Variants in PKNOX2 observed in about 807,000 individuals in gnomAD.
The protein encoded by PKNOX2 is homeobox protein PKNOX2.
Under a neutral mutation model 53.1 loss-of-function variants are expected in PKNOX2, and 14 were observed. The ratio of observed to expected loss-of-function variants is 0.26; its 90% CI spans 0.17 to 0.41. PKNOX2 has a LOEUF of 0.41. Ranked by LOEUF, PKNOX2 falls within the 10% of genes least tolerant of loss-of-function variation. PKNOX2 has a pLI of 1.00. For synonymous variants in PKNOX2, 257 were observed against 242.8 expected (o/e 1.06, Z -0.54); for missense variants, 496 against 602.8 (o/e 0.82, Z 1.85).
chr11:125,396,523 T>C (rs1954409998), intron 6 of PKNOX2, among the ~76,000 whole-genome samples: 1 of 151,312 alleles, frequency 6.6e-6, no homozygotes, highest in Non-Finnish European at 1.5e-5. Flanking sequence ...AGAACGTTCA[T>C]AGCTTTTTTT....
rs371053622 is a variant in PKNOX2, at chr11:125,410,284, G to T, written c.677G>T (p.Gly226Val). 1.9e-6 allele frequency: 3 copies of T among 1,613,958 alleles called. No homozygotes were observed. In the African/African-American group the frequency reaches 4.0e-5, roughly 22 times the overall value. The change falls in exon 8 of 13, where the codon GGC (glycine) becomes GTC (valine). Residue 226 changes from glycine (G) to valine (V), a missense_variant. This residue lies in a region of PKNOX2 where 141 missense variants were observed against 143.9 expected (regional missense o/e 0.98). Transcript: ENST00000298282. ...IVVPASALQQ[G>V]NIAMTTVNSQ... Reference sequence around the variant, plus strand: ...GTCCCAGCCTCAGCGCTCCAGCAGGGCAACATCGCCATGACAACCGTCAAC... The same window carrying T: ...GTCCCAGCCTCAGCGCTCCAGCAGGTCAACATCGCCATGACAACCGTCAAC...
intron 4 of PKNOX2, among the ~76,000 whole-genome samples, chr11:125,366,065 T>C (rs1952173994): frequency 6.6e-6 from 1 of 152,256 alleles, no homozygotes; most frequent in African/African-American, 2.4e-5. Flanking sequence ...TTGTCTATTT[T>C]GAAAATTGGA....
intron 2 of PKNOX2, among the ~76,000 whole-genome samples, chr11:125,298,003 T>C (rs4550233): frequency 0.24 from 36,727 of 152,038 alleles, 5,837 homozygotes; most frequent in African/African-American, 0.45. Flanking sequence ...GAACAATGAA[T>C]ATACAACTGA....
At chr11:125,294,349 G>C (rs1221517730) in intron 2 of PKNOX2, among the ~76,000 whole-genome samples, 1 of 152,210 alleles carries the variant, frequency 6.6e-6, no homozygotes, top group Non-Finnish European at 1.5e-5. Context: ...ACCAGAGCTA[G>C]AGAAGACATT....
chr11:125,210,235 T>C (rs1939665778), intron 1 of PKNOX2, among the ~76,000 whole-genome samples: 2 of 152,122 alleles, frequency 1.3e-5, no homozygotes, highest in African/African-American at 2.4e-5. Flanking sequence ...TAGGAACTTA[T>C]TGGCAGTCCT....
chr11:125,207,119 G>A (rs1939215962), intron 1 of PKNOX2, among the ~76,000 whole-genome samples: 1 of 151,854 alleles, frequency 6.6e-6, no homozygotes, highest in South Asian at 2.1e-4. Context: ...CTCATTCTAG[G>A]GGGGTGGTGG....
intron 2 of PKNOX2, among the ~76,000 whole-genome samples, chr11:125,263,638 G>A (rs1018824920): frequency 2.0e-5 from 3 of 152,228 alleles, no homozygotes; most frequent in Non-Finnish European, 4.4e-5. Flanking sequence ...GGGAGGGGGA[G>A]AGCTGCCGAG....
chr11:125,304,164 G>A (rs1948263126), intron 2 of PKNOX2, among the ~76,000 whole-genome samples: 1 of 152,172 alleles, frequency 6.6e-6, no homozygotes. Context: ...GGGGCTGCTT[G>A]GAAATGGATC....
At chr11:125,167,597 C>G (rs997152118) in intron 1 of PKNOX2, among the ~76,000 whole-genome samples, 1 of 152,216 alleles carries the variant, frequency 6.6e-6, no homozygotes, top group African/African-American at 2.4e-5. Context: ...GCCCGACCAC[C>G]GCTCACAGTA....
chr11:125,386,713 AACACACACACACAC>A (rs3138544), intron 6 of PKNOX2, among the ~76,000 whole-genome samples: 24 of 141,134 alleles, frequency 1.7e-4, no homozygotes, highest in South Asian at 7.1e-4. Flanking sequence ...GAAGAAAAAG[AACACACACACACAC>A]ACACACACAC....
intron 2 of PKNOX2, among the ~76,000 whole-genome samples, chr11:125,236,032 T>TACTA (rs1942652540): frequency 1.3e-5 from 2 of 152,234 alleles, no homozygotes; most frequent in African/African-American, 4.8e-5. Context: ...TGATAGTACG[T>TACTA]TGGCTTCCAA....
At chr11:125,282,097 A>G (rs1946597452) in intron 2 of PKNOX2, among the ~76,000 whole-genome samples, 1 of 152,184 alleles carries the variant, frequency 6.6e-6, no homozygotes, top group Admixed American at 6.5e-5. Flanking sequence ...CTGGGGTGCC[A>G]CTGCTCAGCT....
chr11:125,222,586 GGTGTGT>G (rs767224814), intron 1 of PKNOX2, among the ~76,000 whole-genome samples: 2 of 142,474 alleles, frequency 1.4e-5, no homozygotes, highest in South Asian at 2.2e-4. Flanking sequence ...AGGTGCTCCT[GGTGTGT>G]GTGTGTGTGT....
chr11:125,196,570 G>A (rs1303343259), intron 1 of PKNOX2, among the ~76,000 whole-genome samples: 1 of 152,136 alleles, frequency 6.6e-6, no homozygotes, highest in African/African-American at 2.4e-5. Flanking sequence ...GAGAGTGCTG[G>A]TATTCAGAGG....
chr11:125,248,462 G>A (rs967294366), intron 2 of PKNOX2, among the ~76,000 whole-genome samples: 5 of 152,016 alleles, frequency 3.3e-5, no homozygotes, highest in African/African-American at 7.3e-5. Context: ...AAAATCTTGC[G>A]ACTTTACTTA....
chr11:125,351,383 C>T lies in PKNOX2; in HGVS notation c.78C>T (p.Asp26=), dbSNP rs757571201. ...TQNVPPPPYQ[D]SPQMTATAQP... Reference sequence around the variant, plus strand: ...ATGTCCCGCCCCCACCCTACCAGGACAGCCCACAGGTGAGTGCGCAGGGGC... The same window carrying T: ...ATGTCCCGCCCCCACCCTACCAGGATAGCCCACAGGTGAGTGCGCAGGGGC... The change falls in exon 4 of 13, where the codon GAC becomes GAT. Residue 26 remains aspartate (D), a synonymous_variant. Transcript: ENST00000298282. 2 of 1,601,530 alleles carry T rather than the reference C, an allele frequency of 1.2e-6. No individual in the cohort carries two copies. The highest frequency in any genetic ancestry group is 2.2e-5 in the South Asian group (2 of 90,102).
intron 2 of PKNOX2, among the ~76,000 whole-genome samples, chr11:125,309,348 C>T (rs1948665827): frequency 6.6e-6 from 1 of 151,664 alleles, no homozygotes; most frequent in Non-Finnish European, 1.5e-5. Flanking sequence ...ATTCCATCTC[C>T]CTCACCCATA....
intron 1 of PKNOX2, among the ~76,000 whole-genome samples, chr11:125,175,235 G>GGAAGGAAGGAAGGAAGGAAA (rs1955625192): frequency 2.0e-5 from 3 of 149,712 alleles, no homozygotes; most frequent in African/African-American, 7.5e-5. Flanking sequence ...AAGGAAGGAA[G>GGAAGGAAGGAAGGAAGGAAA]GAAGGAAGGA....
At chr11:125,366,454 A>G (rs1952195860) in intron 4 of PKNOX2, among the ~76,000 whole-genome samples, 1 of 152,194 alleles carries the variant, frequency 6.6e-6, no homozygotes, top group South Asian at 2.1e-4. Flanking sequence ...TTGAACACCT[A>G]CTAGTGCCAG....
Sources: gnomAD v4.1 joint callset for allele counts (sites outside exome capture counted in the v4.1 genomes callset) on GRCh38, gnomAD v4.1.1 for gene constraint, gnomAD v4.1.1 regional missense constraint, MANE v1.5 for transcripts, NCBI Gene and HGNC (gene_info 2026-07-23, HGNC 2026-07-21) for gene names.